The following PHACTR1 variants were observed in gnomAD, a reference collection of about 807,000 sequenced individuals.
PHACTR1 encodes phosphatase and actin regulator 1.
Under a neutral mutation model 69.2 loss-of-function variants are expected in PHACTR1, and 16 were observed. That is an observed-to-expected ratio of 0.23 (90% confidence interval 0.16 to 0.35). The LOEUF (loss-of-function observed/expected upper bound fraction) is 0.35. Ranked by LOEUF, PHACTR1 falls within the 10% of genes least tolerant of loss-of-function variation. The probability of loss-of-function intolerance (pLI) is 1.00; values close to 1 mark genes in which losing one functional copy is unlikely to be tolerated. For synonymous variants in PHACTR1, 312 were observed against 284.5 expected, an observed-to-expected ratio of 1.10 and a Z score of -0.97; for missense variants, 510 against 734.7, an observed-to-expected ratio of 0.69 and a Z score of 3.54.
chr6:13,220,032 A>T (rs1428602791), intron 8 of PHACTR1, among the ~76,000 whole-genome samples: 3 of 152,192 alleles, frequency 2.0e-5, no homozygotes, highest in Non-Finnish European at 4.4e-5. Context: ...TAATAACAAT[A>T]CCCTTCTTAA....
At chr6:12,747,323 T>C (rs1765916447) in intron 3 of PHACTR1, among the ~76,000 whole-genome samples, 1 of 152,144 alleles carries the variant, frequency 6.6e-6, no homozygotes, top group South Asian at 2.1e-4. Flanking sequence ...TTTCTTTTTT[T>C]TCTTCTTCCT....
At chr6:13,209,849 T>A (rs564417427) in intron 8 of PHACTR1, among the ~76,000 whole-genome samples, 1 of 152,348 alleles carries the variant, frequency 6.6e-6, no homozygotes, top group African/African-American at 2.4e-5. Context: ...TTCCCGATCT[T>A]ATTTCTAATC....
intron 4 of PHACTR1, among the ~76,000 whole-genome samples, chr6:12,901,619 C>T (rs966454230): frequency 2.0e-5 from 3 of 152,060 alleles, no homozygotes; most frequent in Admixed American, 1.3e-4. Context: ...CTCAGCCTCC[C>T]GAGTAGCTGG....
chr6:12,814,278 G>T (rs1407953590), intron 4 of PHACTR1, among the ~76,000 whole-genome samples: 1 of 152,192 alleles, frequency 6.6e-6, no homozygotes, highest in Non-Finnish European at 1.5e-5. Context: ...GGGTTCTCCA[G>T]TCACCTTCCT....
intron 5 of PHACTR1, among the ~76,000 whole-genome samples, chr6:13,066,059 C>T (rs1398395652): frequency 6.6e-6 from 1 of 151,898 alleles, no homozygotes; most frequent in Non-Finnish European, 1.5e-5. Flanking sequence ...GCAAAGCAGA[C>T]TTAATGGTCC....
intron 5 of PHACTR1, among the ~76,000 whole-genome samples, chr6:13,150,126 C>T (rs1261707286): frequency 1.3e-5 from 2 of 152,164 alleles, no homozygotes. Flanking sequence ...GCAGGCAGAT[C>T]ATTTGAGCCC....
chr6:12,946,180 G>C (rs7748390), intron 4 of PHACTR1, among the ~76,000 whole-genome samples: 46,066 of 151,454 alleles, frequency 0.3, 7,351 homozygotes, highest in African/African-American at 0.39. Context: ...CAGTGAGAAG[G>C]TGGGTAGGGA....
chr6:12,993,621 GA>G (rs952638878), intron 4 of PHACTR1, among the ~76,000 whole-genome samples: 1 of 152,164 alleles, frequency 6.6e-6, no homozygotes, highest in Non-Finnish European at 1.5e-5. Flanking sequence ...TGGAAATTGG[GA>G]AAAAAGACAA....
At chr6:12,873,207 G>A (rs1782225297) in intron 4 of PHACTR1, among the ~76,000 whole-genome samples, 2 of 151,964 alleles carry the variant, frequency 1.3e-5, no homozygotes, top group Admixed American at 6.6e-5. Flanking sequence ...TGTAGAGATA[G>A]GATCTTGCCA....
intron 14 of PHACTR1, among the ~76,000 whole-genome samples, chr6:13,286,776 A>AAAT (rs1466166518): frequency 6.6e-6 from 1 of 152,232 alleles, no homozygotes; most frequent in African/African-American, 2.4e-5. Flanking sequence ...ACATTTAGAG[A>AAAT]AATAGGATAT....
rs182577454 is a variant in PHACTR1 at position 13,273,279 on chromosome 6, G to A, written c.1447+364G>A. 243 of 215,098 alleles carry A rather than the reference G, an allele frequency of 1.1e-3. 2 individuals are homozygous for A. Among genetic ancestry groups the A allele is most frequent in the African/African-American group, 5.4e-3 (235 of 43,802 alleles). 13.3% of individuals were successfully genotyped at this position (215,098 alleles called of 1,614,324 possible). ...TGAAAATGGAGACTGTGATATGCACGGCTAAAATAAGGGAAATGTCCATTT... is the reference window on the plus strand; with the variant it reads ...TGAAAATGGAGACTGTGATATGCACAGCTAAAATAAGGGAAATGTCCATTT... On this transcript the variant is annotated intron_variant, in intron 11 of 14. Transcript: ENST00000332995.
In PHACTR1 at chr6:13,133,863, C is replaced by T. The variant is rs10929987; in HGVS notation, c.416-26341C>T. ...CTAGGAAGTGAGGAGCGCCTCTTCC[C>T]GGCCGCCATCCCGTCTAGGAAGTGA... On this transcript the variant is annotated intron_variant, in intron 5 of 14. Coordinates refer to ENST00000332995, the MANE Select transcript of PHACTR1 (RefSeq NM_030948.6). Among the ~76,000 whole-genome samples, 719 of 150,694 alleles carry T rather than the reference C, an allele frequency of 4.8e-3. 10 individuals carry two copies. The highest frequency in any genetic ancestry group is 0.016 in the African/African-American group (672 of 40,936).
At chr6:13,159,946 A>C (rs1259457036) in intron 5 of PHACTR1, among the ~76,000 whole-genome samples, 1 of 152,188 alleles carries the variant, frequency 6.6e-6, no homozygotes, top group Non-Finnish European at 1.5e-5. Context: ...TCTCAGAAAA[A>C]AAAAAGAATG....
At chr6:13,148,382 G>T (rs1165258842) in intron 5 of PHACTR1, among the ~76,000 whole-genome samples, 4 of 152,044 alleles carry the variant, frequency 2.6e-5, no homozygotes, top group Non-Finnish European at 5.9e-5. Flanking sequence ...AAAGTGTTCT[G>T]TGTAATCCAA....
At chr6:13,274,180 C>T (rs1281431846) in intron 11 of PHACTR1, 2 of 152,134 alleles carry the variant, frequency 1.3e-5, no homozygotes, top group African/African-American at 4.8e-5. Context: ...TGTCTTGCCT[C>T]CCGTCCCCAC....
intron 4 of PHACTR1, among the ~76,000 whole-genome samples, chr6:12,866,307 T>C (rs1197747140): frequency 6.6e-6 from 1 of 152,196 alleles, no homozygotes; most frequent in Non-Finnish European, 1.5e-5. Context: ...ACCTGAGCTT[T>C]TCCTGGTAAA....
intron 5 of PHACTR1, among the ~76,000 whole-genome samples, chr6:13,101,393 C>T (rs911649669): frequency 1.3e-5 from 2 of 152,210 alleles, no homozygotes; most frequent in Non-Finnish European, 2.9e-5. Flanking sequence ...GTTCCCAACA[C>T]CTGAACTTTG....
intron 4 of PHACTR1, among the ~76,000 whole-genome samples, chr6:13,005,066 A>C (rs1798618227): frequency 6.6e-6 from 1 of 151,920 alleles, no homozygotes; most frequent in Non-Finnish European, 1.5e-5. Flanking sequence ...TCTCAGATAC[A>C]CCAGAAGCTC....
At chr6:12,741,486 T>C (rs765356664) in intron 3 of PHACTR1, among the ~76,000 whole-genome samples, 1 of 152,160 alleles carries the variant, frequency 6.6e-6, no homozygotes, top group African/African-American at 2.4e-5. Context: ...ACCATATATA[T>C]ACTTGTGTAA....
Sources: allele counts gnomAD v4.1 joint callset (sites outside exome capture counted in the v4.1 genomes callset), GRCh38; gene constraint gnomAD v4.1.1; transcripts MANE v1.5; gene names NCBI Gene and HGNC (gene_info 2026-07-23, HGNC 2026-07-21).